DLGAP2: variants seen among roughly 807,000 people sequenced by gnomAD.
The protein encoded by DLGAP2 is DLG associated protein 2.
DLGAP2 carries 26 observed loss-of-function variants against 100.3 expected under a neutral mutation model. The ratio of observed to expected loss-of-function variants is 0.26; its 90% CI spans 0.19 to 0.36. The LOEUF (loss-of-function observed/expected upper bound fraction) is 0.36. Among genes scored for constraint, DLGAP2 ranks in the 10% least tolerant of loss-of-function variants. The probability of loss-of-function intolerance (pLI) is 1.00; values close to 1 mark genes in which losing one functional copy is unlikely to be tolerated. For synonymous variants in DLGAP2, 886 were observed against 630.1 expected (o/e 1.41, Z -6.08); for missense variants, 1,858 against 1,453.2 (o/e 1.28, Z -4.53).
chr8:1,018,113 T>C (rs1399570894), intron 2 of DLGAP2, among the ~76,000 whole-genome samples: 2 of 151,050 alleles, frequency 1.3e-5, no homozygotes, highest in African/African-American at 4.9e-5. Context: ...ACATGACCCC[T>C]GCCCCTACAG....
intron 2 of DLGAP2, among the ~76,000 whole-genome samples, chr8:1,089,295 C>T (rs1029064591): frequency 6.6e-6 from 1 of 152,272 alleles, no homozygotes; most frequent in Non-Finnish European, 1.5e-5. Context: ...GTCTATTGGT[C>T]TGTATATGTC....
chr8:1,365,293 G>A (rs1802083910), intron 3 of DLGAP2, among the ~76,000 whole-genome samples: 1 of 152,144 alleles, frequency 6.6e-6, no homozygotes, highest in South Asian at 2.1e-4. Flanking sequence ...CTCAGGTGCT[G>A]AGCCTGGGAT....
chr8:1,065,296 A>G (rs1803211377), intron 2 of DLGAP2, among the ~76,000 whole-genome samples: 1 of 152,262 alleles, frequency 6.6e-6, no homozygotes, highest in Non-Finnish European at 1.5e-5. Context: ...TTTCAAGATA[A>G]CAACTGGCAG....
chr8:1,096,553 C>T (rs1804374859), intron 2 of DLGAP2, among the ~76,000 whole-genome samples: 1 of 151,858 alleles, frequency 6.6e-6, no homozygotes, highest in Admixed American at 6.5e-5. Flanking sequence ...CCTCCCTGTG[C>T]TCAGGAGAGT....
chr8:1,143,318 G>A (rs1228071271), intron 2 of DLGAP2, among the ~76,000 whole-genome samples: 1 of 152,082 alleles, frequency 6.6e-6, no homozygotes, highest in Admixed American at 6.6e-5. Context: ...GTCTGAAATG[G>A]GCAATAAGGA....
chr8:1,613,557 A>G (rs1186451731), intron 6 of DLGAP2, among the ~76,000 whole-genome samples: 1 of 148,934 alleles, frequency 6.7e-6, no homozygotes, highest in Admixed American at 6.7e-5. Context: ...AAAAAAAAAG[A>G]AAAGAAAAGA....
In DLGAP2 at chr8:922,563, A is replaced by T. The variant is rs547189642; in HGVS notation, c.73+14597A>T. ...TTAAAATAAATTAAAATTATTTCTA[A>T]GCAGCACCTTATTCTGGGATGGTTT... is the stretch of plus-strand genomic sequence containing the variant. On this transcript the variant is annotated intron_variant, in intron 2 of 14. Transcript: ENST00000637795. Among the ~76,000 whole-genome samples the T allele has an allele frequency of 3.3e-5, 5 of 152,334 alleles. No individual in the cohort carries two copies. The East Asian group carries it at 9.6e-4, about 29-fold the overall frequency.
At chr8:1,656,607 G>T (rs529641823) in intron 8 of DLGAP2, among the ~76,000 whole-genome samples, 1 of 152,212 alleles carries the variant, frequency 6.6e-6, no homozygotes, top group Non-Finnish European at 1.5e-5. Flanking sequence ...AGGAAAGTCA[G>T]TTTTTACACA....
At chr8:1,363,328 T>C (rs1272892641) in intron 3 of DLGAP2, among the ~76,000 whole-genome samples, 2 of 151,690 alleles carry the variant, frequency 1.3e-5, no homozygotes, top group East Asian at 3.9e-4. Context: ...GCCCGTGGCA[T>C]GCTTGCGGCT....
chr8:909,806 G>A (rs145121444), intron 2 of DLGAP2, among the ~76,000 whole-genome samples: 26 of 152,288 alleles, frequency 1.7e-4, no homozygotes, highest in African/African-American at 6.0e-4. Flanking sequence ...ATGGAAAGAT[G>A]GGGAGAATTC....
intron 2 of DLGAP2, among the ~76,000 whole-genome samples, chr8:959,274 T>C (rs1343258087): frequency 6.6e-6 from 1 of 152,178 alleles, no homozygotes; most frequent in Admixed American, 6.5e-5. Context: ...GTGGCTCTAA[T>C]GTTTTGGGGA....
chr8:1,008,621 C>G (rs1801188602), intron 2 of DLGAP2, among the ~76,000 whole-genome samples: 1 of 152,228 alleles, frequency 6.6e-6, no homozygotes, highest in Non-Finnish European at 1.5e-5. Flanking sequence ...TCAGTGGAAG[C>G]CAATGTCCTT....
At chr8:1,672,178 C>T (rs1425438252) in intron 10 of DLGAP2, among the ~76,000 whole-genome samples, 1 of 152,072 alleles carries the variant, frequency 6.6e-6, no homozygotes, top group African/African-American at 2.4e-5. Flanking sequence ...CCTTGTGAAT[C>T]CCACCTTTAT....
At chr8:1,250,677 T>C (rs1039059470) in intron 2 of DLGAP2, 1 of 152,142 alleles carries the variant, frequency 6.6e-6, no homozygotes, top group Non-Finnish European at 1.5e-5. Context: ...TTCATTGCTT[T>C]ATTAAAGCCA....
chr8:1,528,528 T>C (rs1393618903), intron 4 of DLGAP2, among the ~76,000 whole-genome samples: 1 of 152,224 alleles, frequency 6.6e-6, no homozygotes, highest in Non-Finnish European at 1.5e-5. Context: ...GAAATGTAGA[T>C]TCTCAGGGCC....
intron 4 of DLGAP2, among the ~76,000 whole-genome samples, chr8:1,519,676 G>A (rs956318631): frequency 6.6e-6 from 1 of 152,202 alleles, no homozygotes; most frequent in African/African-American, 2.4e-5. Flanking sequence ...CAGAAGAAAA[G>A]TCCAGAACTC....
intron 6 of DLGAP2, among the ~76,000 whole-genome samples, chr8:1,595,811 G>A (rs1220312211): frequency 6.6e-6 from 1 of 151,730 alleles, no homozygotes; most frequent in African/African-American, 2.4e-5. Flanking sequence ...TTAGTAGTCT[G>A]AACTAAGTGC....
At chr8:1,249,941 CGT>C (rs1563039220) in intron 2 of DLGAP2, among the ~76,000 whole-genome samples, 9 of 151,362 alleles carry the variant, frequency 5.9e-5, no homozygotes, top group African/African-American at 2.2e-4. Context: ...AGTGCAGTGG[CGT>C]GATCTCAGCT....
intron 3 of DLGAP2, among the ~76,000 whole-genome samples, chr8:1,431,635 C>T (rs1475932198): frequency 2.0e-5 from 3 of 150,138 alleles, no homozygotes; most frequent in Admixed American, 6.6e-5. Context: ...GGCTCGCTGG[C>T]GTGGTGATGA....
Sources: gnomAD v4.1 joint callset for allele counts (sites outside exome capture counted in the v4.1 genomes callset) on GRCh38, gnomAD v4.1.1 for gene constraint, MANE v1.5 for transcripts, NCBI Gene and HGNC (gene_info 2026-07-23, HGNC 2026-07-21) for gene names.